The following MPP7 variants were observed in gnomAD, a reference collection of about 807,000 sequenced individuals.
MPP7 encodes MAGUK p55 scaffold protein 7, also known as MAGUK p55 subfamily member 7.
MPP7 carries 60 observed loss-of-function variants against 76.5 expected under a neutral mutation model. The observed-to-expected ratio is 0.78, with a 90% CI of 0.64 to 0.97. The LOEUF is 0.97. Among genes scored for constraint, MPP7 ranks in the 50% least tolerant of loss-of-function variants. The pLI is 0.00. For synonymous variants in MPP7, 237 were observed against 244.5 expected (o/e 0.97, Z 0.29); for missense variants, 641 against 694.0 (o/e 0.92, Z 0.86).
intron 13 of MPP7, among the ~76,000 whole-genome samples, chr10:28,061,368 A>T (rs1157634421): frequency 6.6e-6 from 1 of 152,056 alleles, no homozygotes; most frequent in Non-Finnish European, 1.5e-5. Context: ...GAAAAAAACA[A>T]ATAGAAATTG....
At chr10:28,239,953 GT>G (rs895467756) in intron 1 of MPP7, among the ~76,000 whole-genome samples, 3 of 151,240 alleles carry the variant, frequency 2.0e-5, no homozygotes, top group African/African-American at 7.3e-5. Flanking sequence ...GGTTGTTAGG[GT>G]TTTTTTTTAA....
intron 1 of MPP7, among the ~76,000 whole-genome samples, chr10:28,243,976 A>G (rs751757553): frequency 3.9e-5 from 6 of 152,226 alleles, no homozygotes; most frequent in Admixed American, 6.5e-5. Flanking sequence ...TTAAGAGTAT[A>G]GATCTGAGGC....
chr10:28,212,178 G>T (rs1223915526), intron 2 of MPP7, among the ~76,000 whole-genome samples: 3 of 152,038 alleles, frequency 2.0e-5, no homozygotes, highest in East Asian at 1.9e-4. Context: ...AGAACAGATC[G>T]CAGGAAGCCG....
intron 1 of MPP7, among the ~76,000 whole-genome samples, chr10:28,278,106 T>A (rs542274768): frequency 6.6e-6 from 1 of 152,100 alleles, no homozygotes; most frequent in Non-Finnish European, 1.5e-5. Flanking sequence ...AAGAGAATAT[T>A]GTTTTAATAT....
intron 2 of MPP7, among the ~76,000 whole-genome samples, chr10:28,231,576 T>C (rs1838885920): frequency 6.8e-6 from 1 of 147,162 alleles, no homozygotes; most frequent in African/African-American, 2.5e-5. Flanking sequence ...ATGTAGAAAC[T>C]ACAGGTACGA....
At chr10:28,256,417 A>G (rs1839788198) in intron 1 of MPP7, among the ~76,000 whole-genome samples, 1 of 152,116 alleles carries the variant, frequency 6.6e-6, no homozygotes, top group African/African-American at 2.4e-5. Context: ...ACTCCAGCCA[A>G]GATTCTACTT....
chr10:28,215,641 G>A (rs10826426), intron 2 of MPP7, among the ~76,000 whole-genome samples: 26,763 of 151,978 alleles, frequency 0.18, 2,701 homozygotes, highest in African/African-American at 0.27. Context: ...TAGACTCTAG[G>A]CTCATGCTTA....
chr10:28,263,743 G>C (rs1481426676), intron 1 of MPP7, among the ~76,000 whole-genome samples: 2 of 152,182 alleles, frequency 1.3e-5, no homozygotes, highest in Admixed American at 6.5e-5. Context: ...CGGAGGAGCT[G>C]CAGCTGAAGG....
At chr10:28,094,786 A>T (rs1190498302) in intron 11 of MPP7, among the ~76,000 whole-genome samples, 1 of 152,190 alleles carries the variant, frequency 6.6e-6, no homozygotes, top group East Asian at 1.9e-4. Flanking sequence ...AAGTATTAAG[A>T]CATTTTAAAT....
intron 2 of MPP7, among the ~76,000 whole-genome samples, chr10:28,225,501 C>CA (rs1838658876): frequency 6.6e-6 from 1 of 152,010 alleles, no homozygotes; most frequent in East Asian, 1.9e-4. Flanking sequence ...AAAAAATGGA[C>CA]AAAAAACTTC....
At chr10:28,137,773 C>G (rs1303645861) in intron 5 of MPP7, among the ~76,000 whole-genome samples, 2 of 152,076 alleles carry the variant, frequency 1.3e-5, no homozygotes, top group East Asian at 3.9e-4. Context: ...TTTCCATATG[C>G]CAGAGCCACC....
chr10:28,184,861 T>C (rs1047362340), intron 3 of MPP7, among the ~76,000 whole-genome samples: 8 of 143,832 alleles, frequency 5.6e-5, no homozygotes, highest in African/African-American at 2.0e-4. Context: ...TAATATATTA[T>C]GATTTTTATG....
chr10:28,272,528 G>T (rs1017156777), intron 1 of MPP7, among the ~76,000 whole-genome samples: 3 of 152,062 alleles, frequency 2.0e-5, no homozygotes, highest in Admixed American at 2.0e-4. Flanking sequence ...TTTCATTGGG[G>T]CTTTTCATTT....
intron 3 of MPP7, among the ~76,000 whole-genome samples, chr10:28,183,700 TC>T (rs1335297723): frequency 6.6e-6 from 1 of 152,110 alleles, no homozygotes; most frequent in Non-Finnish European, 1.5e-5. Context: ...GAAGGGAGGA[TC>T]ATTGAGCCCA....
At chr10:28,328,299 T>C (rs1148183) in intron 2 of MPP7, among the ~76,000 whole-genome samples, 39,162 of 152,134 alleles carry the variant, frequency 0.26, 6,879 homozygotes, top group African/African-American at 0.5. Context: ...TTTTAAATTT[T>C]GAATCTCTTG....
rs991777320 is a variant in MPP7, at chr10:28,159,494, G to A, written c.157-9435C>T. 3.9e-5 allele frequency among the ~76,000 whole-genome samples: 6 copies of A among 152,176 alleles called. No individual in the cohort carries two copies. The South Asian group carries it at 8.3e-4, about 21-fold the overall frequency. Reference sequence around the variant, plus strand: ...AAGAGTGGCATTGTTTGACAAATTTGTAAATATCTTTCATTTCTGGCTACA... The same window carrying A: ...AAGAGTGGCATTGTTTGACAAATTTATAAATATCTTTCATTTCTGGCTACA... On this transcript the variant is annotated intron_variant, in intron 3 of 16. Coordinates refer to ENST00000683449, the MANE Select transcript of MPP7 (RefSeq NM_001318170.2).
intron 11 of MPP7, among the ~76,000 whole-genome samples, chr10:28,105,152 CAAAAAAAAA>C (rs869250857): frequency 2.7e-4 from 8 of 29,620 alleles, no homozygotes; most frequent in Admixed American, 9.6e-4. Flanking sequence ...GACTCCATCT[CAAAAAAAAA>C]AAAAAAAAAA....
At chr10:28,276,536 C>T (rs1183213199) in intron 1 of MPP7, among the ~76,000 whole-genome samples, 1 of 152,014 alleles carries the variant, frequency 6.6e-6, no homozygotes, top group East Asian at 1.9e-4. Flanking sequence ...AAACAGAACA[C>T]TATATCACTG....
At chr10:28,191,257 T>C (rs1223124325) in intron 3 of MPP7, among the ~76,000 whole-genome samples, 1 of 151,878 alleles carries the variant, frequency 6.6e-6, no homozygotes, top group Non-Finnish European at 1.5e-5. Flanking sequence ...AAAAGGAAAA[T>C]AGCAAGCAGA....
Sources: allele counts gnomAD v4.1 joint callset (sites outside exome capture counted in the v4.1 genomes callset), GRCh38; gene constraint gnomAD v4.1.1; transcripts MANE v1.5; gene names NCBI Gene and HGNC (gene_info 2026-07-23, HGNC 2026-07-21).